GLDC: variants seen among roughly 807,000 people sequenced by gnomAD.
GLDC encodes the protein glycine dehydrogenase (decarboxylating), mitochondrial.
GLDC carries 104 observed loss-of-function variants against 121.3 expected under a neutral mutation model. The ratio of observed to expected loss-of-function variants is 0.86; its 90% CI spans 0.73 to 1.01. The LOEUF is 1.01. GLDC is among the 50% of genes least tolerant of loss of function. GLDC has a pLI of 0.00. For synonymous variants in GLDC, 546 were observed against 480.6 expected, an observed-to-expected ratio of 1.14 and a Z score of -1.78; for missense variants, 1,429 against 1,306.6, an observed-to-expected ratio of 1.09 and a Z score of -1.44.
chr9:6,582,079 G>A (rs1818180483), intron 15 of GLDC, among the ~76,000 whole-genome samples: 1 of 151,664 alleles, frequency 6.6e-6, no homozygotes, highest in African/African-American at 2.4e-5. Flanking sequence ...GTCAGGTGTG[G>A]TAGCGGGCAC....
Position 6,603,379 on chromosome 9 carries a change from G to A in GLDC, c.1059-1174C>T, listed in dbSNP as rs190520884. On this transcript the variant is annotated intron_variant, in intron 7 of 24. Coordinates refer to ENST00000321612, the MANE Select transcript of GLDC (RefSeq NM_000170.3). ...ACCTGGTAATCCGAGCATTTTGGGA[G>A]GCTGGGGTGGGCAGATCACTTGAGC... Among the ~76,000 whole-genome samples the A allele has an allele frequency of 2.8e-3, 427 of 152,184 alleles. 3 individuals carry two copies. The highest frequency in any genetic ancestry group is 4.9e-3 in the Non-Finnish European group (332 of 68,018).
At chr9:6,565,815 C>G (rs1187714268) in intron 15 of GLDC, 1 of 447,746 alleles carries the variant, frequency 2.2e-6, no homozygotes, top group East Asian at 4.0e-5. Flanking sequence ...GGTTTACGGT[C>G]AATCTTGTTT....
intron 3 of GLDC, among the ~76,000 whole-genome samples, chr9:6,616,525 G>C (rs575432597): frequency 6.6e-6 from 1 of 152,120 alleles, no homozygotes; most frequent in Admixed American, 6.6e-5. Flanking sequence ...AGTGAGCCTT[G>C]GATCTGAGAG....
chr9:6,630,677 G>C (rs1319857094), intron 2 of GLDC, among the ~76,000 whole-genome samples: 1 of 152,192 alleles, frequency 6.6e-6, no homozygotes, highest in Non-Finnish European at 1.5e-5. Flanking sequence ...ATCCTCAGCT[G>C]TGAAGCTGAG....
chr9:6,639,428 T>G, intron 2 of GLDC: 2 of 902,674 alleles, frequency 2.2e-6, no homozygotes, highest in Admixed American at 1.7e-5. Context: ...ACAACACACT[T>G]GTGTTCATTG....
At position 6,599,953 on chromosome 9, in the gene GLDC, C is replaced by T. The variant is rs534081573; in HGVS notation, c.1155+2156G>A. 6.8e-4 allele frequency among the ~76,000 whole-genome samples: 104 copies of T among 152,242 alleles called. 2 individuals are homozygous for T. The Middle Eastern group carries it at 0.014, about 20-fold the overall frequency. On this transcript the variant is annotated intron_variant, in intron 8 of 24. Coordinates refer to ENST00000321612, the MANE Select transcript of GLDC (RefSeq NM_000170.3). The stretch of plus-strand genomic sequence containing the variant: ...AACTATAAGAAGATCTTATTGCCCA[C>T]TGCCTTCCTGGAGAAGCTTTTCAGA...
chr9:6,624,211 T>C lies in GLDC; in HGVS notation c.335-3892A>G, dbSNP rs114693026. 4.3e-3 allele frequency among the ~76,000 whole-genome samples: 651 copies of C among 152,332 alleles called. 9 individuals are homozygous for C. The highest frequency in any genetic ancestry group is 0.015 in the African/African-American group (614 of 41,568). On this transcript the variant is annotated intron_variant, in intron 2 of 24. Transcript: ENST00000321612. The stretch of plus-strand genomic sequence containing the variant: ...AAGAGGAGTGTTACAAGTTGAATTG[T>C]GTTCCCAAAAATGATGCTTTGAAAT...
At chr9:6,553,254 A>C in intron 20 of GLDC, 114 bp downstream of exon 20, 1 of 916,760 alleles carries the variant, frequency 1.1e-6, no homozygotes, top group Non-Finnish European at 1.7e-6. Context: ...TTTGAACCAC[A>C]TCTCAGATCA....
chr9:6,642,492 C>T (rs930454211), intron 2 of GLDC, among the ~76,000 whole-genome samples: 1 of 152,106 alleles, frequency 6.6e-6, no homozygotes, highest in Non-Finnish European at 1.5e-5. Flanking sequence ...GATCATGCCA[C>T]TGCACTCCAG....
At position 6,605,064 on chromosome 9, in the gene GLDC, G is replaced by C. The variant is rs1818701919; in HGVS notation, c.861+67C>G. ...TAAGGCACATGAAAAGACAGAGAGA[G>C]AGATAGGTAGACAGATACAAGTTGG... On this transcript the variant is annotated intron_variant, in intron 6 of 24. Transcript: ENST00000321612. 8 of 1,380,216 alleles carry C rather than the reference G, an allele frequency of 5.8e-6. No homozygotes were observed. The Admixed American group carries it at 8.4e-5, about 14-fold the overall frequency. The allele number at this position is 1,380,216 out of a possible 1,614,324, so 85.5% of individuals were successfully genotyped here.
At chr9:6,626,970 A>G (rs533584796) in intron 2 of GLDC, among the ~76,000 whole-genome samples, 1 of 152,296 alleles carries the variant, frequency 6.6e-6, no homozygotes, top group African/African-American at 2.4e-5. Flanking sequence ...GATGTCTTAC[A>G]CACTTTAATT....
intron 8 of GLDC, among the ~76,000 whole-genome samples, chr9:6,596,403 G>C (rs1041853845): frequency 2.6e-5 from 4 of 152,232 alleles, no homozygotes; most frequent in South Asian, 4.1e-4. Flanking sequence ...AATTAAAATA[G>C]AGACCAAGAA....
intron 15 of GLDC, among the ~76,000 whole-genome samples, chr9:6,575,768 T>TAAA (rs1818052955): frequency 6.6e-6 from 1 of 152,246 alleles, no homozygotes; most frequent in South Asian, 2.1e-4. Flanking sequence ...TTACTCTTTC[T>TAAA]GTCTGCCTTA....
intron 15 of GLDC, among the ~76,000 whole-genome samples, chr9:6,586,376 C>T (rs1414962360): frequency 3.9e-5 from 6 of 152,132 alleles, no homozygotes; most frequent in Admixed American, 1.3e-4. Context: ...GCGTCTGGAG[C>T]GGGGCCCGGA....
chr9:6,542,615 G>A (rs1398561743), intron 21 of GLDC, among the ~76,000 whole-genome samples: 1 of 151,778 alleles, frequency 6.6e-6, no homozygotes, highest in Non-Finnish European at 1.5e-5. Context: ...GCCGGGCATG[G>A]TAGCTCACAC....
chr9:6,633,172 C>G (rs1166803335), intron 2 of GLDC, among the ~76,000 whole-genome samples: 1 of 152,152 alleles, frequency 6.6e-6, no homozygotes, highest in Non-Finnish European at 1.5e-5. Context: ...CCTCTTCTGC[C>G]TAAGAAAGGT....
At chr9:6,635,504 G>C (rs754850061) in intron 2 of GLDC, among the ~76,000 whole-genome samples, 1 of 152,104 alleles carries the variant, frequency 6.6e-6, no homozygotes, top group Non-Finnish European at 1.5e-5. Context: ...AATATGTTTT[G>C]AGGTTAGAGT....
chr9:6,642,535 A>C (rs958124643), intron 2 of GLDC, among the ~76,000 whole-genome samples: 18 of 152,228 alleles, frequency 1.2e-4, no homozygotes, highest in Non-Finnish European at 2.6e-4. Flanking sequence ...CATTTCAAAA[A>C]TAAAAATAAA....
intron 9 of GLDC, 86 bp from the exon 10 acceptor site, chr9:6,593,076 A>C: frequency 2.1e-6 from 3 of 1,403,900 alleles, no homozygotes; most frequent in Non-Finnish European, 3.0e-6. Flanking sequence ...AAAGAGATAA[A>C]TTCTACTAGA....
Sources: gnomAD v4.1 joint callset for allele counts (sites outside exome capture counted in the v4.1 genomes callset) on GRCh38, gnomAD v4.1.1 for gene constraint, MANE v1.5 for transcripts, NCBI Gene and HGNC (gene_info 2026-07-23, HGNC 2026-07-21) for gene names.